The following LARGE1 variants were observed in gnomAD, a reference collection of about 807,000 sequenced individuals.
LARGE1 encodes the protein xylosyl- and glucuronyltransferase LARGE1.
In LARGE1, 43 loss-of-function variants were observed where a neutral mutation model predicts 87.6. The ratio of observed to expected loss-of-function variants is 0.49; its 90% CI spans 0.38 to 0.63. LARGE1 has a LOEUF of 0.63. LARGE1 is among the 30% of genes least tolerant of loss of function. The pLI, the probability that LARGE1 is intolerant of heterozygous loss-of-function variation, is 0.00. For missense variants in LARGE1, 802 were observed against 1,000.2 expected, an observed-to-expected ratio of 0.80 and a Z score of 2.67; for synonymous variants, 434 against 394.6, an observed-to-expected ratio of 1.10 and a Z score of -1.18.
the LARGE1 span, among the ~76,000 whole-genome samples, chr22:33,124,116 A>G: frequency 2.0e-5 from 3 of 152,200 alleles, no homozygotes; most frequent in South Asian, 2.1e-4. Flanking sequence ...GTGGAACCCC[A>G]TATCTGCTAA....
At chr22:33,487,266 C>A (rs562612348) in intron 6 of LARGE1, among the ~76,000 whole-genome samples, 140 of 152,344 alleles carry the variant, frequency 9.2e-4, no homozygotes, top group African/African-American at 2.9e-3. Flanking sequence ...AGAGTCTATT[C>A]AAACTGGTGA....
At chr22:33,425,800 G>A (rs1239282230) in intron 7 of LARGE1, among the ~76,000 whole-genome samples, 1 of 152,124 alleles carries the variant, frequency 6.6e-6, no homozygotes, top group Non-Finnish European at 1.5e-5. Context: ...ATGCAGGCAC[G>A]ATCTCGGCTC....
chr22:33,408,875 C>T (rs959767696), intron 7 of LARGE1, among the ~76,000 whole-genome samples: 11 of 152,060 alleles, frequency 7.2e-5, no homozygotes, highest in Admixed American at 2.6e-4. Flanking sequence ...TCAGTATATT[C>T]GCCCGGCCAC....
At chr22:33,432,595 T>TCATTCATTCATTCACG (rs146169927) in intron 6 of LARGE1, among the ~76,000 whole-genome samples, 13 of 147,138 alleles carry the variant, frequency 8.8e-5, no homozygotes, top group African/African-American at 3.3e-4. Flanking sequence ...ATTCATTCAT[T>TCATTCATTCATTCACG]CATGCATGCA....
exon 12 of LARGE1, chr22:33,164,408 C>A (rs1165312835): frequency 6.6e-6 from 1 of 151,904 alleles, no homozygotes; most frequent in Non-Finnish European, 1.5e-5. Flanking sequence ...TTGGTTATTT[C>A]TTTTCTTGTT....
chr22:33,482,686 T>G (rs1175628676), intron 6 of LARGE1, among the ~76,000 whole-genome samples: 1 of 150,976 alleles, frequency 6.6e-6, no homozygotes, highest in African/African-American at 2.5e-5. Flanking sequence ...TCTGCACATG[T>G]ACCCCAGAAC....
At chr22:33,367,100 A>G (rs1297414587) in intron 9 of LARGE1, among the ~76,000 whole-genome samples, 6 of 151,626 alleles carry the variant, frequency 4.0e-5, no homozygotes, top group South Asian at 2.1e-4. Flanking sequence ...ATTTGTTCAC[A>G]TAATGTTGTT....
chr22:33,693,835 GA>G (rs899319765), intron 2 of LARGE1, among the ~76,000 whole-genome samples: 3 of 145,864 alleles, frequency 2.1e-5, no homozygotes, highest in South Asian at 2.2e-4. Context: ...ATTAAAAAAA[GA>G]AAAAAAAAAG....
intron 1 of LARGE1, among the ~76,000 whole-genome samples, chr22:33,777,401 G>T (rs2085274834): frequency 6.6e-6 from 1 of 152,080 alleles, no homozygotes; most frequent in African/African-American, 2.4e-5. Flanking sequence ...ACTTCGGGAG[G>T]CTGAGATTGG....
Position 33,604,452 on chromosome 22 carries a change from T to C in LARGE1, c.598A>G (p.Asn200Asp). The change falls in exon 5 of 15, where the codon AAT becomes GAT. Residue 200 changes from asparagine to aspartate, a missense_variant. This residue lies in a region of LARGE1 where 625 missense variants were observed against 841.9 expected (regional missense o/e 0.74). Coordinates refer to ENST00000397394, the MANE Select transcript of LARGE1 (RefSeq NM_133642.5). ...GCCCATACCTTGAGCTCGTCTGCATTGTAGAAGTCCACACGCACAGCGGGC... is the reference window on the plus strand; with the variant it reads ...GCCCATACCTTGAGCTCGTCTGCATCGTAGAAGTCCACACGCACAGCGGGC... ...MVPAVRVDFYNADELKSEVSW... is the reference protein window; with the variant it reads ...MVPAVRVDFYDADELKSEVSW... 6.2e-7 allele frequency: 1 copy of C among 1,614,006 alleles called. No individual in the cohort carries two copies. The highest frequency in any genetic ancestry group is 1.3e-5 in the African/African-American group (1 of 74,996).
chr22:33,163,247 C>G (rs1452134372), exon 12 of LARGE1: 5 of 152,220 alleles, frequency 3.3e-5, no homozygotes, highest in Non-Finnish European at 5.9e-5. Flanking sequence ...GTAAATTGTT[C>G]AAGCTCTGAT....
intron 1 of LARGE1, among the ~76,000 whole-genome samples, chr22:33,764,057 C>T (rs1167755825): frequency 6.6e-6 from 1 of 151,744 alleles, no homozygotes; most frequent in Admixed American, 6.6e-5. Context: ...ACCATCTTGG[C>T]CAAGATGGTC....
chr22:33,766,756 G>A (rs1338069790), intron 1 of LARGE1, among the ~76,000 whole-genome samples: 2 of 151,622 alleles, frequency 1.3e-5, no homozygotes, highest in Non-Finnish European at 1.5e-5. Flanking sequence ...AGGATTCAAA[G>A]CTAAATGTAT....
intron 7 of LARGE1, among the ~76,000 whole-genome samples, chr22:33,403,764 T>G (rs1401656333): frequency 6.6e-6 from 1 of 152,012 alleles, no homozygotes; most frequent in Non-Finnish European, 1.5e-5. Flanking sequence ...CCACCACGCC[T>G]GGCTAATTTT....
chr22:33,383,206 T>A (rs1437519565), intron 8 of LARGE1, among the ~76,000 whole-genome samples: 4 of 152,130 alleles, frequency 2.6e-5, no homozygotes, highest in African/African-American at 9.7e-5. Flanking sequence ...AGACTCAAAG[T>A]CAGACTGGAG....
chr22:33,186,242 T>C (rs543263833), intron 11 of LARGE1, among the ~76,000 whole-genome samples: 29 of 152,236 alleles, frequency 1.9e-4, no homozygotes, highest in African/African-American at 7.0e-4. Context: ...CAACAAATAC[T>C]TTTCAGGAAT....
intron 9 of LARGE1, among the ~76,000 whole-genome samples, chr22:33,352,999 T>TCTTC (rs1323086332): frequency 6.6e-6 from 1 of 152,198 alleles, no homozygotes; most frequent in Non-Finnish European, 1.5e-5. Context: ...CAGTATAAGC[T>TCTTC]CTTCCTTAGC....
At chr22:33,600,668 A>G (rs1602651562) in intron 5 of LARGE1, among the ~76,000 whole-genome samples, 2 of 152,290 alleles carry the variant, frequency 1.3e-5, no homozygotes, top group East Asian at 3.9e-4. Context: ...GCAGGACTGG[A>G]GAGTGAGGAA....
chr22:33,114,415 A>G, the LARGE1 span, among the ~76,000 whole-genome samples: 1 of 152,310 alleles, frequency 6.6e-6, no homozygotes, highest in Non-Finnish European at 1.5e-5. Context: ...GAATTCAAGG[A>G]GCTCACACCT....
Sources: gnomAD v4.1 joint callset for allele counts (sites outside exome capture counted in the v4.1 genomes callset) on GRCh38, gnomAD v4.1.1 for gene constraint, gnomAD v4.1.1 regional missense constraint, MANE v1.5 for transcripts, NCBI Gene and HGNC (gene_info 2026-07-23, HGNC 2026-07-21) for gene names.